Variants in COL21A1 observed in about 807,000 individuals in gnomAD.
COL21A1 encodes collagen alpha-1(XXI) chain.
A neutral mutation model predicts 137.9 loss-of-function variants in COL21A1; 149 were observed. That is an observed-to-expected ratio of 1.08 (90% CI 0.95 to 1.24). The LOEUF (loss-of-function observed/expected upper bound fraction) is 1.24, where lower values mean the gene tolerates loss of function less well. COL21A1 is among the 50% of genes most tolerant of loss of function. The pLI is 0.00. For synonymous variants in COL21A1, 456 were observed against 391.5 expected, an observed-to-expected ratio of 1.16 and a Z score of -1.95; for missense variants, 1,167 against 1,158.4, an observed-to-expected ratio of 1.01 and a Z score of -0.11.
chr6:56,374,596 C>G (rs1349185293), intron 1 of COL21A1, among the ~76,000 whole-genome samples: 1 of 152,050 alleles, frequency 6.6e-6, no homozygotes, highest in East Asian at 1.9e-4. Context: ...GTGGCGCGTA[C>G]CTGGAGTCCC....
At chr6:56,231,505 A>T (rs988458874) in intron 1 of COL21A1, among the ~76,000 whole-genome samples, 8 of 151,878 alleles carry the variant, frequency 5.3e-5, no homozygotes, top group African/African-American at 1.9e-4. Flanking sequence ...CAAGAAAACA[A>T]GCCTGGCTAG....
chr6:56,291,920 C>T (rs537386204), intron 1 of COL21A1, among the ~76,000 whole-genome samples: 3 of 152,274 alleles, frequency 2.0e-5, no homozygotes, highest in African/African-American at 7.2e-5. Flanking sequence ...GTAATCCCAG[C>T]ACTTTGGGAG....
chr6:56,375,796 G>A (rs1199149422), intron 1 of COL21A1, among the ~76,000 whole-genome samples: 2 of 152,080 alleles, frequency 1.3e-5, no homozygotes, highest in Non-Finnish European at 2.9e-5. Flanking sequence ...AGAGCTCATG[G>A]GGAAATTAAA....
chr6:56,316,921 G>T (rs1261492991), intron 1 of COL21A1, among the ~76,000 whole-genome samples: 2 of 152,038 alleles, frequency 1.3e-5, no homozygotes, highest in African/African-American at 4.8e-5. Flanking sequence ...TAGTCACTGG[G>T]GCATATTTCT....
At chr6:56,268,890 A>G (rs560946246) in intron 1 of COL21A1, among the ~76,000 whole-genome samples, 3 of 152,348 alleles carry the variant, frequency 2.0e-5, no homozygotes, top group South Asian at 4.1e-4. Flanking sequence ...AGATGATCCA[A>G]GAGCTGAAAG....
At chr6:56,295,464 G>A (rs1217984925) in intron 1 of COL21A1, among the ~76,000 whole-genome samples, 2 of 151,992 alleles carry the variant, frequency 1.3e-5, no homozygotes, top group Non-Finnish European at 2.9e-5. Flanking sequence ...GAATCAGTTT[G>A]TCAACATCCA....
intron 1 of COL21A1, among the ~76,000 whole-genome samples, chr6:56,190,380 G>A (rs769439582): frequency 3.3e-5 from 5 of 152,024 alleles, no homozygotes; most frequent in African/African-American, 4.8e-5. Context: ...ACCCTCCCAC[G>A]TCTAAACCAG....
chr6:56,324,480 T>C (rs998788939), intron 1 of COL21A1, among the ~76,000 whole-genome samples: 1 of 152,072 alleles, frequency 6.6e-6, no homozygotes, highest in Non-Finnish European at 1.5e-5. Flanking sequence ...GACAGTCATC[T>C]CTGCCTCAAC....
chr6:56,176,209 G>T (rs781755049), intron 3 of COL21A1, among the ~76,000 whole-genome samples: 1 of 151,836 alleles, frequency 6.6e-6, no homozygotes, highest in Non-Finnish European at 1.5e-5. Context: ...CATCAGCCTC[G>T]TAATGATTTC....
chr6:56,220,663 T>C (rs1780773384), intron 1 of COL21A1, among the ~76,000 whole-genome samples: 1 of 152,190 alleles, frequency 6.6e-6, no homozygotes, highest in African/African-American at 2.4e-5. Context: ...TGCTACCTTC[T>C]AAACAAACCA....
At chr6:56,260,634 AGG>A (rs1763235097) in intron 1 of COL21A1, among the ~76,000 whole-genome samples, 1 of 22,570 alleles carries the variant, frequency 4.4e-5, no homozygotes, top group Non-Finnish European at 1.2e-4. Context: ...AGAGGAAGGA[AGG>A]AAGGAAGGAA....
At chr6:56,202,197 C>T (rs1222719988) in intron 1 of COL21A1, among the ~76,000 whole-genome samples, 1 of 152,022 alleles carries the variant, frequency 6.6e-6, no homozygotes, top group Non-Finnish European at 1.5e-5. Context: ...GAAAAGGTAA[C>T]TAAAGAGTAT....
chr6:56,211,187 GTATATATGTATA>G (rs1780146579), intron 1 of COL21A1, among the ~76,000 whole-genome samples: 4 of 17,104 alleles, frequency 2.3e-4, no homozygotes, highest in Admixed American at 1.2e-3. Context: ...ACATATATAT[GTATATATGTATA>G]TATACATATA....
intron 17 of COL21A1, among the ~76,000 whole-genome samples, chr6:56,098,406 TATATATAAATATATAA>T (rs1264022787): frequency 5.5e-5 from 1 of 18,138 alleles, no homozygotes; most frequent in Non-Finnish European, 8.1e-5. Flanking sequence ...TATATATAAA[TATATATAAATATATAA>T]ATATATAAAT....
intron 16 of COL21A1, among the ~76,000 whole-genome samples, chr6:56,113,835 C>A (rs982025296): frequency 1.2e-4 from 18 of 152,160 alleles, no homozygotes; most frequent in Non-Finnish European, 2.2e-4. Flanking sequence ...GATCCCACTG[C>A]CCTAAAGAGT....
intron 17 of COL21A1, among the ~76,000 whole-genome samples, chr6:56,082,118 T>A (rs12197951): frequency 0.15 from 23,063 of 151,768 alleles, 1,778 homozygotes; most frequent in Middle Eastern, 0.22. Context: ...AGACAAAATC[T>A]CAAATTCTTA....
chr6:56,355,938 T>C (rs1765818586), intron 1 of COL21A1, among the ~76,000 whole-genome samples: 1 of 152,194 alleles, frequency 6.6e-6, no homozygotes. Flanking sequence ...GGCTCTGCCA[T>C]CAAACTGAAG....
intron 1 of COL21A1, among the ~76,000 whole-genome samples, chr6:56,357,466 A>G (rs762939597): frequency 5.9e-5 from 9 of 152,244 alleles, no homozygotes. Flanking sequence ...TACACAAGAC[A>G]CTACACAATG....
At chr6:56,184,780 T>C (rs970285056) in intron 1 of COL21A1, among the ~76,000 whole-genome samples, 2 of 152,180 alleles carry the variant, frequency 1.3e-5, no homozygotes, top group African/African-American at 4.8e-5. Flanking sequence ...ATATGAAGTT[T>C]TGCGGAAATG....
Sources: gnomAD v4.1 joint callset for allele counts (sites outside exome capture counted in the v4.1 genomes callset) on GRCh38, gnomAD v4.1.1 for gene constraint, MANE v1.5 for transcripts, NCBI Gene and HGNC (gene_info 2026-07-23, HGNC 2026-07-21) for gene names.